The following ZMYM3 variants were observed in gnomAD, a reference collection of about 807,000 sequenced individuals.
ZMYM3 encodes the protein zinc finger MYM-type protein 3.
A neutral mutation model predicts 94.2 loss-of-function variants in ZMYM3; 6 were observed. The ratio of observed to expected loss-of-function variants is 0.06; its 90% CI spans 0.03 to 0.13. The LOEUF is 0.13. ZMYM3 is among the 10% of genes least tolerant of loss of function. ZMYM3 has a pLI of 1.00. For synonymous variants in ZMYM3, 420 were observed against 426.5 expected (o/e 0.98, Z 0.19); for missense variants, 664 against 1,132.6 (o/e 0.59, Z 5.94).
At chrX:71,250,829 G>A (rs749516378) in intron 4 of ZMYM3, 103 bp from the exon 5 acceptor site, 8 of 838,675 alleles carry the variant, frequency 9.5e-6, no homozygotes, top group African/African-American at 8.3e-5. Flanking sequence ...CTGTTGTTCC[G>A]GCCTTTACAC....
At chrX:71,249,810 C>T (rs918465428) in intron 6 of ZMYM3, 131 bp from the exon 7 acceptor site, 177 of 1,090,387 alleles carry the variant, frequency 1.6e-4, no homozygotes, top group Non-Finnish European at 2.1e-4. Context: ...CAACCTGCGC[C>T]GCAGGCTGCC....
At chrX:71,255,097 T>TCTCTCTCTCTCTCTCC (rs1269817027), upstream of ZMYM3, 4 of 48,472 alleles carry the variant, frequency 8.3e-5, no homozygotes, top group Non-Finnish European at 1.0e-4. Context: ...TCTCTCTCTC[T>TCTCTCTCTCTCTCTCC]CTCTCTCTCT....
In ZMYM3 at chrX:71,241,341, G is replaced by A. The variant is rs140678079; in HGVS notation, c.3806C>T (p.Thr1269Met). ...APVRQRKGRD[T>M]GPGKRKREDE... ...TTCTCTCTTCCGTTTTCCAGGACCC[G>A]TGTCTATAGGGGAGGGAAATGATTC... The change falls in exon 24 of 25, where the codon ACG becomes ATG. Residue 1269 changes from threonine (T) to methionine (M), a missense_variant. By Grantham distance (81) the Thr-to-Met change is moderately conservative (BLOSUM62 -1). Coordinates refer to ENST00000314425, the MANE Select transcript of ZMYM3 (RefSeq NM_201599.3). 82 of 1,182,939 alleles carry A rather than the reference G, an allele frequency of 6.9e-5. No individual in the cohort carries two copies. The highest frequency in any genetic ancestry group is 4.3e-4 in the African/African-American group (24 of 56,356).
chrX:71,252,539 T>G lies in ZMYM3; in HGVS notation c.667+50A>C, dbSNP rs1440431964. ...CCCAAAGCACATAGCCACCCCTCCTTACCACCACCCTCTCCCAGCCCTGAT... is the reference window on the plus strand; with the variant it reads ...CCCAAAGCACATAGCCACCCCTCCTGACCACCACCCTCTCCCAGCCCTGAT... On this transcript the variant is annotated intron_variant, in intron 2 of 24. Coordinates refer to ENST00000314425, the MANE Select transcript of ZMYM3 (RefSeq NM_201599.3). 2.7e-6 allele frequency: 3 copies of G among 1,114,564 alleles called. No homozygotes were observed. In the South Asian group the frequency reaches 7.0e-5, roughly 26 times the overall value. 91.9% of individuals were successfully genotyped at this position (1,114,564 alleles called of 1,213,427 possible). A position where few individuals can be genotyped will look rare whatever the true frequency, so the allele number is the denominator to read the frequency against.
chrX:71,244,265 C>T (rs760392932), intron 20 of ZMYM3, 37 bp downstream of exon 20: 1 of 1,126,054 alleles, frequency 8.9e-7, no homozygotes, highest in South Asian at 1.9e-5. Context: ...TCCTCCCTGT[C>T]CCTGCCTCCC....
Position 71,240,533 on chromosome X carries a change from C to T in ZMYM3, c.*383G>A. The T allele has an allele frequency of 7.3e-6, 1 of 136,598 alleles. No homozygotes were observed. The highest frequency in any genetic ancestry group is 2.0e-4 in the East Asian group (1 of 5,070). 11.3% of individuals were successfully genotyped at this position (136,598 alleles called of 1,213,427 possible). ...AGCTGGGTTTTTCCCTAGGTCATGC[C>T]TAGGAACAAGAGGCTCTACCTATGC... On this transcript the variant is annotated 3_prime_UTR_variant, in exon 25 of 25. Transcript: ENST00000314425.
chrX:71,243,201 T>C lies in ZMYM3; in HGVS notation c.3433-117A>G, dbSNP rs138059656. ...ATCATTAGGAGACGATGGGAAACAG[T>C]TGCTTGATTAGGTGGCCTCGAGTGC... On this transcript the variant is annotated intron_variant, in intron 21 of 24. Coordinates refer to ENST00000314425, the MANE Select transcript of ZMYM3 (RefSeq NM_201599.3). 1,837 of 606,818 alleles carry C rather than the reference T, an allele frequency of 3.0e-3. 23 individuals are homozygous for C. In the African/African-American group the frequency reaches 0.036, roughly 12 times the overall value. The allele number at this position is 606,818 out of a possible 1,213,427, so 50.0% of individuals were successfully genotyped here. A position where few individuals can be genotyped will look rare whatever the true frequency, so the allele number is the denominator to read the frequency against.
chrX:71,251,527 A>C, intron 3 of ZMYM3, 31 bp downstream of exon 3: 5 of 1,176,274 alleles, frequency 4.3e-6, no homozygotes, highest in Non-Finnish European at 5.7e-6. Context: ...CTAAGGGGGA[A>C]CCAGACTCCT....
chrX:71,252,155 A>G (rs1458664523), intron 2 of ZMYM3, among the ~76,000 whole-genome samples: 1 of 110,841 alleles, frequency 9.0e-6, no homozygotes, highest in East Asian at 2.8e-4. Flanking sequence ...TTATGCTGTT[A>G]GGGGCTCCAG....
At chrX:71,243,659 T>C in intron 21 of ZMYM3, 170 bp downstream of exon 21, 1 of 534,483 alleles carries the variant, frequency 1.9e-6, no homozygotes, top group African/African-American at 2.3e-5. Context: ...TATCACTTTG[T>C]TGCCCAGGCT....
At chrX:71,250,265 G>A (rs1285707416) in intron 5 of ZMYM3, 62 bp from the exon 6 acceptor site, 24 of 1,107,866 alleles carry the variant, frequency 2.2e-5, no homozygotes, top group South Asian at 2.3e-5. Context: ...CTCAGCTTCC[G>A]CCCCTCCTCC....
Position 71,248,483 on chromosome X carries a change from G to A in ZMYM3, c.1779C>T (p.Tyr593=). ...PEGGIHLSCH[Y]CHSLFSGKPE... ...GCTTGCCACTGAAGAGGCTGTGACA[G>A]TAGTGACAGCTCAGGTGAATGCCCC... is the stretch of plus-strand genomic sequence containing the variant. Residue 593 remains tyrosine (Y), a synonymous_variant, in exon 10 of 25, where the codon TAC becomes TAT. Coordinates refer to ENST00000314425, the MANE Select transcript of ZMYM3 (RefSeq NM_201599.3). 8.3e-7 allele frequency: 1 copy of A among 1,211,365 alleles called. No individual in the cohort carries two copies. Among genetic ancestry groups the A allele is most frequent in the Non-Finnish European group, 1.1e-6 (1 of 895,195 alleles).
At chrX:71,246,240 T>C (rs1004589415) in intron 15 of ZMYM3, 113 bp downstream of exon 15, 40 of 1,103,790 alleles carry the variant, frequency 3.6e-5, no homozygotes, top group Non-Finnish European at 4.8e-5. Context: ...AGGACAACCA[T>C]ATGAATGAGG....
At chrX:71,249,883 G>A in intron 6 of ZMYM3, 143 bp downstream of exon 6, 1 of 1,027,402 alleles carries the variant, frequency 9.7e-7, no homozygotes, top group Non-Finnish European at 1.3e-6. Flanking sequence ...GAGAAGCTCT[G>A]TCCTTGAATA....
intron 1 of ZMYM3, 125 bp from the exon 2 acceptor site, chrX:71,253,399 A>C: frequency 3.9e-6 from 2 of 509,433 alleles, no homozygotes; most frequent in East Asian, 4.1e-5. Context: ...CACCACCACA[A>C]TCTACAAGCA....
intron 23 of ZMYM3, 75 bp from the exon 24 acceptor site, chrX:71,241,419 G>A: frequency 1.2e-6 from 1 of 820,581 alleles, no homozygotes. Flanking sequence ...CACAGTTCAG[G>A]GCACAGGGAG....
intron 18 of ZMYM3, 137 bp downstream of exon 18, chrX:71,245,202 T>C: frequency 1.2e-6 from 1 of 808,371 alleles, no homozygotes; most frequent in East Asian, 3.5e-5. Context: ...TCTCTGGCAC[T>C]GCTCCCTGTG....
chrX:71,248,591 C>T (rs1484807042), intron 9 of ZMYM3, 67 bp from the exon 10 acceptor site: 3 of 1,161,378 alleles, frequency 2.6e-6, no homozygotes, highest in Non-Finnish European at 3.5e-6. Flanking sequence ...GGGAGTCAGG[C>T]TTGTTCTTTG....
intron 18 of ZMYM3, among the ~76,000 whole-genome samples, 184 bp downstream of exon 18, chrX:71,245,155 T>C (rs1602360128): frequency 1.1e-5 from 1 of 95,107 alleles, no homozygotes; most frequent in South Asian, 4.9e-4. Flanking sequence ...AAAAAAAGCA[T>C]GACTCAGAAG....
Sources: allele counts gnomAD v4.1 joint callset (sites outside exome capture counted in the v4.1 genomes callset), GRCh38; gene constraint gnomAD v4.1.1; transcripts MANE v1.5; gene names NCBI Gene and HGNC (gene_info 2026-07-23, HGNC 2026-07-21).